Variants in FAM83B observed in about 807,000 individuals in gnomAD.
FAM83B encodes the protein scaffolding CK1 anchoring protein B.
FAM83B carries 26 observed loss-of-function variants against 38.8 expected under a neutral mutation model. The observed-to-expected ratio is 0.67, with a 90% CI of 0.49 to 0.93. FAM83B has a LOEUF of 0.93. Among genes scored for constraint, FAM83B ranks in the 40% least tolerant of loss-of-function variants. FAM83B has a pLI of 0.00. For missense variants in FAM83B, 1,237 were observed against 1,197.3 expected, an observed-to-expected ratio of 1.03 and a Z score of -0.49; for synonymous variants, 419 against 423.1, an observed-to-expected ratio of 0.99 and a Z score of 0.12.
chr6:54,926,649 G>A (rs576788781), intron 3 of FAM83B, 114 bp downstream of exon 3: 27 of 747,070 alleles, frequency 3.6e-5, no homozygotes, highest in Admixed American at 2.6e-4. Flanking sequence ...AAAAAAATAC[G>A]TATTTAAGGT....
At chr6:54,932,714 T>A (rs1773450846) in intron 4 of FAM83B, among the ~76,000 whole-genome samples, 1 of 152,186 alleles carries the variant, frequency 6.6e-6, no homozygotes, top group Non-Finnish European at 1.5e-5. Flanking sequence ...TCCTTCCTTT[T>A]GAAGGACAGT....
chr6:54,849,903 G>A (rs1447349020), intron 1 of FAM83B, among the ~76,000 whole-genome samples: 1 of 151,580 alleles, frequency 6.6e-6, no homozygotes, highest in African/African-American at 2.4e-5. Context: ...TTACTGGCAG[G>A]GGCCTATGTT....
chr6:54,859,997 T>C (rs1771537334), intron 1 of FAM83B, among the ~76,000 whole-genome samples: 1 of 152,010 alleles, frequency 6.6e-6, no homozygotes, highest in Non-Finnish European at 1.5e-5. Context: ...AAAAGAAGCT[T>C]CAAAAAACCA....
rs182610314 is a variant in FAM83B, at chr6:54,917,937, T to C, written c.445-8434T>C. 2.9e-3 allele frequency among the ~76,000 whole-genome samples: 441 copies of C among 152,236 alleles called. 2 individuals are homozygous for C. The highest frequency in any genetic ancestry group is 0.01 in the African/African-American group (418 of 41,540). The stretch of plus-strand genomic sequence containing the variant: ...CTGTTTTTACTCTGAATTTTGATCC[T>C]GTGTCACTTAATAAATACCTGCAAA... On this transcript the variant is annotated intron_variant, in intron 2 of 4. Coordinates refer to ENST00000306858, the MANE Select transcript of FAM83B (RefSeq NM_001010872.3).
chr6:54,911,140 C>CGTGT (rs138421344), intron 2 of FAM83B, among the ~76,000 whole-genome samples: 13,548 of 147,420 alleles, frequency 0.092, 741 homozygotes, highest in African/African-American at 0.16. Context: ...TGACACACAG[C>CGTGT]GTGTGTGTGT....
chr6:54,866,786 G>A (rs2127574384), intron 1 of FAM83B, among the ~76,000 whole-genome samples: 3 of 152,222 alleles, frequency 2.0e-5, no homozygotes, highest in African/African-American at 7.2e-5. Flanking sequence ...TCACCAAAGT[G>A]CAGTTGCTGT....
Position 54,942,590 on chromosome 6 carries a change from G to A in FAM83B, c.*583G>A, listed in dbSNP as rs754316063. Among the ~76,000 whole-genome samples, 1 of 151,036 alleles carries A rather than the reference G, an allele frequency of 6.6e-6. No individual in the cohort carries two copies. The highest frequency in any genetic ancestry group is 1.5e-5 in the Non-Finnish European group (1 of 67,892). On this transcript the variant is annotated 3_prime_UTR_variant, in exon 5 of 5. Transcript: ENST00000306858. The stretch of plus-strand genomic sequence containing the variant: ...ATTTTTTTTTCTGCCTGAAGTGTTT[G>A]CAAAGTATCAGCCTCATGTAGTATA...
chr6:54,898,079 C>A (rs1344821287), intron 2 of FAM83B, among the ~76,000 whole-genome samples: 1 of 152,036 alleles, frequency 6.6e-6, no homozygotes, highest in African/African-American at 2.4e-5. Flanking sequence ...CTTGGGGTGG[C>A]TAATGATACA....
upstream of FAM83B, among the ~76,000 whole-genome samples, chr6:54,846,253 C>A (rs1209689739): frequency 6.6e-6 from 1 of 152,234 alleles, no homozygotes; most frequent in African/African-American, 2.4e-5. Flanking sequence ...GAATTACCTA[C>A]TGTGGGCTGA....
chr6:54,867,986 T>C (rs1287262705), intron 1 of FAM83B, among the ~76,000 whole-genome samples: 5 of 152,100 alleles, frequency 3.3e-5, no homozygotes, highest in African/African-American at 1.2e-4. Context: ...TGTTCCTTCA[T>C]TGGCTGGAAT....
intron 1 of FAM83B, among the ~76,000 whole-genome samples, chr6:54,851,474 G>T (rs868150474): frequency 4.1e-4 from 62 of 150,978 alleles, no homozygotes; most frequent in Middle Eastern, 3.4e-3. Flanking sequence ...TTTTGTTTTG[G>T]TTTGGTTTGT....
chr6:54,872,282 T>G (rs1771875469), intron 2 of FAM83B, among the ~76,000 whole-genome samples: 1 of 152,218 alleles, frequency 6.6e-6, no homozygotes, highest in Non-Finnish European at 1.5e-5. Flanking sequence ...CATGAATATT[T>G]TTTTAAACAG....
intron 1 of FAM83B, among the ~76,000 whole-genome samples, chr6:54,847,587 C>A (rs1248564766): frequency 1.3e-5 from 2 of 151,560 alleles, no homozygotes; most frequent in Non-Finnish European, 2.9e-5. Flanking sequence ...GCTCCTGGAA[C>A]GGGACTTGGA....
chr6:54,943,131 G>A lies in FAM83B; in HGVS notation c.*1124G>A, dbSNP rs1217416413. The stretch of plus-strand genomic sequence containing the variant: ...TTGGCCAGTCTAGTCTCAAACTCCT[G>A]ACCTCGTGATCCTCCCGCCTCGGCC... On this transcript the variant is annotated 3_prime_UTR_variant, in exon 5 of 5. Transcript: ENST00000306858. 6.6e-6 allele frequency: 1 copy of A among 152,118 alleles called. No individual in the cohort carries two copies. The highest frequency in any genetic ancestry group is 1.9e-4 in the East Asian group (1 of 5,166). The allele number at this position is 152,118 out of a possible 1,614,324, so 9.4% of individuals were successfully genotyped here.
At chr6:54,930,870 A>G (rs2127589642) in intron 4 of FAM83B, among the ~76,000 whole-genome samples, 1 of 152,274 alleles carries the variant, frequency 6.6e-6, no homozygotes, top group Non-Finnish European at 1.5e-5. Context: ...ATATTTTATT[A>G]CATGCATAGA....
intron 4 of FAM83B, among the ~76,000 whole-genome samples, chr6:54,935,864 T>C (rs139550978): frequency 1.3e-3 from 198 of 152,206 alleles, no homozygotes; most frequent in African/African-American, 4.5e-3. Flanking sequence ...GATGACTGCT[T>C]GTTTCCTGTC....
chr6:54,906,166 C>A (rs997046382), intron 2 of FAM83B, among the ~76,000 whole-genome samples: 4 of 151,786 alleles, frequency 2.6e-5, no homozygotes, highest in African/African-American at 9.7e-5. Context: ...ATTTAAATGG[C>A]ATTTTCAAAG....
chr6:54,891,579 A>AT (rs1228125608), intron 2 of FAM83B, among the ~76,000 whole-genome samples: 1 of 152,150 alleles, frequency 6.6e-6, no homozygotes, highest in Non-Finnish European at 1.5e-5. Flanking sequence ...AGCCTATGTG[A>AT]TTCTAGCTGG....
intron 2 of FAM83B, among the ~76,000 whole-genome samples, chr6:54,906,053 G>GAAAAAAAAAAA (rs61141294): frequency 7.8e-6 from 1 of 128,944 alleles, no homozygotes. Context: ...CCTACTATTC[G>GAAAAAAAAAAA]AAAAAAAAAA....
Sources: allele counts gnomAD v4.1 joint callset (sites outside exome capture counted in the v4.1 genomes callset), GRCh38; gene constraint gnomAD v4.1.1; transcripts MANE v1.5; gene names NCBI Gene and HGNC (gene_info 2026-07-23, HGNC 2026-07-21).